The following ARK2N variants were observed in gnomAD, a reference collection of about 807,000 sequenced individuals.
ARK2N encodes the protein protein ARK2N.
chr18:46,181,115 A>G, the ARK2N span, among the ~76,000 whole-genome samples: 1 of 151,240 alleles, frequency 6.6e-6, no homozygotes, highest in Non-Finnish European at 1.5e-5. Flanking sequence ...CAAAAATCAG[A>G]TGGGTGTGGT....
At chr18:46,197,478 C>T in the ARK2N span, among the ~76,000 whole-genome samples, 2,649 of 152,318 alleles carry the variant, frequency 0.017, 70 homozygotes, top group African/African-American at 0.06. Flanking sequence ...AAGGGATCCA[C>T]CCACCTTGGC....
At chr18:46,245,401 A>G in the ARK2N span, among the ~76,000 whole-genome samples, 1 of 152,046 alleles carries the variant, frequency 6.6e-6, no homozygotes, top group Non-Finnish European at 1.5e-5. Flanking sequence ...CCCCATCTAT[A>G]CTAAAAAAAA....
At chr18:46,224,645 G>A in the ARK2N span, among the ~76,000 whole-genome samples, 1 of 152,172 alleles carries the variant, frequency 6.6e-6, no homozygotes, top group Admixed American at 6.5e-5. Context: ...GCAAAGGTTG[G>A]AAACTACTGT....
the ARK2N span, among the ~76,000 whole-genome samples, chr18:46,194,943 G>A: frequency 3.3e-5 from 5 of 151,538 alleles, no homozygotes; most frequent in South Asian, 2.1e-4. Context: ...TGGGACTACA[G>A]GTGTGTGCTA....
chr18:46,228,847 G>C, the ARK2N span: 4 of 398,420 alleles, frequency 1.0e-5, no homozygotes, highest in East Asian at 1.4e-4. Flanking sequence ...CTGAGATTCT[G>C]TGGGATTCGC....
the ARK2N span, among the ~76,000 whole-genome samples, chr18:46,202,001 C>T: frequency 6.6e-6 from 1 of 152,136 alleles, no homozygotes; most frequent in Non-Finnish European, 1.5e-5. Flanking sequence ...TGGTCTCGAA[C>T]TCCTGACCTC....
the ARK2N span, chr18:46,262,992 G>A: frequency 1.5e-5 from 24 of 1,614,004 alleles, no homozygotes; most frequent in Admixed American, 1.0e-4. Context: ...GCTCGGGCAC[G>A]CAGTATGTTA....
chr18:46,250,688 CCCCTCTGCTTA>C, the ARK2N span, among the ~76,000 whole-genome samples: 2 of 152,094 alleles, frequency 1.3e-5, no homozygotes, highest in African/African-American at 2.4e-5. Context: ...GATGACGTCA[CCCCTCTGCTTA>C]CCCTCTGCTT....
the ARK2N span, among the ~76,000 whole-genome samples, chr18:46,257,079 C>G: frequency 7.2e-5 from 11 of 152,130 alleles, no homozygotes; most frequent in Non-Finnish European, 1.2e-4. Flanking sequence ...TCTTTTTGTT[C>G]TCATTTGATT....
the ARK2N span, among the ~76,000 whole-genome samples, chr18:46,180,058 A>G: frequency 2.6e-5 from 4 of 152,338 alleles, no homozygotes; most frequent in East Asian, 3.9e-4. Context: ...AAAGTAGCCA[A>G]TATAACTGAG....
the ARK2N span, among the ~76,000 whole-genome samples, chr18:46,191,800 A>G: frequency 1.3e-5 from 2 of 152,056 alleles, no homozygotes; most frequent in Non-Finnish European, 2.9e-5. Context: ...TGGCCTAAAA[A>G]TCCTCTGTGC....
the ARK2N span, chr18:46,263,371 A>C: frequency 6.4e-6 from 2 of 311,942 alleles, no homozygotes; most frequent in Non-Finnish European, 1.2e-5. Context: ...TTATTAGACA[A>C]CTTTATTTTA....
At chr18:46,237,646 C>G in the ARK2N span, among the ~76,000 whole-genome samples, 1 of 152,208 alleles carries the variant, frequency 6.6e-6, no homozygotes, top group Non-Finnish European at 1.5e-5. Context: ...GCCTTGGCCT[C>G]TTAAGTACTT....
the ARK2N span, among the ~76,000 whole-genome samples, chr18:46,199,873 G>A: frequency 6.6e-6 from 1 of 152,142 alleles, no homozygotes; most frequent in South Asian, 2.1e-4. Context: ...TACCATCAAG[G>A]TTAGAGGCAA....
the ARK2N span, among the ~76,000 whole-genome samples, chr18:46,203,786 C>G: frequency 6.6e-6 from 1 of 152,046 alleles, no homozygotes; most frequent in African/African-American, 2.4e-5. Context: ...GGGGTTTTGC[C>G]ATGTTGCCCA....
the ARK2N span, among the ~76,000 whole-genome samples, chr18:46,211,334 C>T: frequency 1.3e-4 from 20 of 152,216 alleles, no homozygotes; most frequent in African/African-American, 4.3e-4. Flanking sequence ...TGAGCCTCCC[C>T]AGTAGCTGGA....
chr18:46,229,897 C>G, the ARK2N span, among the ~76,000 whole-genome samples: 1 of 151,936 alleles, frequency 6.6e-6, no homozygotes, highest in African/African-American at 2.4e-5. Flanking sequence ...AGCCACCACG[C>G]CTCGCCTTGT....
chr18:46,196,864 G>T, the ARK2N span, among the ~76,000 whole-genome samples: 1 of 152,166 alleles, frequency 6.6e-6, no homozygotes, highest in African/African-American at 2.4e-5. Context: ...GCTTTTAGTG[G>T]AAACCTCAGA....
the ARK2N span, chr18:46,232,230 A>G: frequency 6.6e-6 from 1 of 152,234 alleles, no homozygotes; most frequent in East Asian, 1.9e-4. Flanking sequence ...TATAAGAAAG[A>G]TGGCAAACAG....
Sources: allele counts gnomAD v4.1 joint callset (sites outside exome capture counted in the v4.1 genomes callset), GRCh38; gene constraint gnomAD v4.1.1; transcripts MANE v1.5; gene names NCBI Gene and HGNC (gene_info 2026-07-23, HGNC 2026-07-21).